Variants in TLL1 observed in about 807,000 individuals in gnomAD.
TLL1 encodes the protein tolloid like 1.
In TLL1, 49 loss-of-function variants were observed where a neutral mutation model predicts 128.2. The ratio of observed to expected loss-of-function variants is 0.38; its 90% CI spans 0.30 to 0.48. The LOEUF (loss-of-function observed/expected upper bound fraction) is 0.48. TLL1 is among the 20% of genes least tolerant of loss of function. TLL1 has a pLI of 0.96. For missense variants in TLL1, 1,123 were observed against 1,242.0 expected (o/e 0.90, Z 1.44); for synonymous variants, 454 against 418.8 (o/e 1.08, Z -1.03).
chr4:166,049,182 T>A (rs1209522945), intron 12 of TLL1, among the ~76,000 whole-genome samples: 1 of 152,164 alleles, frequency 6.6e-6, no homozygotes, highest in Non-Finnish European at 1.5e-5. Context: ...GCTATCCTTG[T>A]GTCTGAAAGA....
chr4:165,927,350 AT>A (rs1733321798), intron 1 of TLL1, among the ~76,000 whole-genome samples: 1 of 152,234 alleles, frequency 6.6e-6, no homozygotes, highest in Non-Finnish European at 1.5e-5. Context: ...AGTAAAAATT[AT>A]TAAGATTATC....
rs79989394 is a variant in TLL1 at position 166,102,027 on chromosome 4, C to T, written c.*1151C>T. 7,935 of 152,388 alleles carry T rather than the reference C, an allele frequency of 0.052. 255 individuals are homozygous for T. The highest frequency in any genetic ancestry group is 0.15 in the South Asian group (734 of 4,816). The allele number at this position is 152,388 out of a possible 1,614,324, so 9.4% of individuals were successfully genotyped here. A position where few individuals can be genotyped will look rare whatever the true frequency, so the allele number is the denominator to read the frequency against. ...TTTTTGACCTTTGAGCCAACCCACC[C>T]GTAGACTACGAATGTCTCCCTATGG... On this transcript the variant is annotated 3_prime_UTR_variant, in exon 21 of 21. Coordinates refer to ENST00000061240, the MANE Select transcript of TLL1 (RefSeq NM_012464.5).
chr4:165,938,643 CA>C (rs1733870366), intron 1 of TLL1, among the ~76,000 whole-genome samples: 1 of 152,008 alleles, frequency 6.6e-6, no homozygotes, highest in African/African-American at 2.4e-5. Context: ...TATATGTTGA[CA>C]AATTACAGTC....
At chr4:166,004,954 G>C (rs1304939188) in intron 6 of TLL1, among the ~76,000 whole-genome samples, 3 of 151,874 alleles carry the variant, frequency 2.0e-5, no homozygotes, top group Non-Finnish European at 4.4e-5. Flanking sequence ...GGTGGCGGGG[G>C]GGTGCCTGAA....
At chr4:166,059,979 T>C in intron 14 of TLL1, 49 bp from the exon 15 acceptor site, 1 of 1,607,492 alleles carries the variant, frequency 6.2e-7, no homozygotes, top group South Asian at 1.1e-5. Context: ...TGCTAAGAAG[T>C]GGGTGACTTC....
chr4:166,075,702 A>G (rs545959751), intron 17 of TLL1, among the ~76,000 whole-genome samples: 1 of 152,278 alleles, frequency 6.6e-6, no homozygotes, highest in Admixed American at 6.5e-5. Context: ...TTCTACTTAA[A>G]TTGGATTTAT....
At chr4:166,090,241 G>A (rs1206838622) in intron 18 of TLL1, among the ~76,000 whole-genome samples, 1 of 151,946 alleles carries the variant, frequency 6.6e-6, no homozygotes, top group Non-Finnish European at 1.5e-5. Flanking sequence ...TTTCTTCAAT[G>A]TATGATGGTT....
intron 1 of TLL1, among the ~76,000 whole-genome samples, chr4:165,950,731 A>T (rs184136037): frequency 6.6e-6 from 1 of 152,120 alleles, no homozygotes; most frequent in African/African-American, 2.4e-5. Context: ...GAAAATATAT[A>T]TGCAACATCA....
chr4:165,885,583 A>AAAAC (rs1372173971), intron 1 of TLL1, among the ~76,000 whole-genome samples: 1 of 151,316 alleles, frequency 6.6e-6, no homozygotes, highest in South Asian at 2.1e-4. Flanking sequence ...ATTACTTCTG[A>AAAAC]AAACAAACAA....
chr4:165,990,456 C>CT (rs1270309763), intron 2 of TLL1, among the ~76,000 whole-genome samples: 1 of 151,832 alleles, frequency 6.6e-6, no homozygotes, highest in Admixed American at 6.6e-5. Flanking sequence ...GCCCAATTTA[C>CT]TTTTTTTGCC....
chr4:166,067,006 T>C (rs1740604397), intron 16 of TLL1, among the ~76,000 whole-genome samples: 1 of 151,788 alleles, frequency 6.6e-6, no homozygotes, highest in Non-Finnish European at 1.5e-5. Context: ...CTTAAAGCTA[T>C]CTAAATATTT....
intron 18 of TLL1, among the ~76,000 whole-genome samples, chr4:166,085,120 A>G (rs1428871327): frequency 6.6e-6 from 1 of 151,696 alleles, no homozygotes; most frequent in Non-Finnish European, 1.5e-5. Flanking sequence ...ATTTTTGCCT[A>G]TTGATTTTAT....
chr4:166,010,687 G>A (rs1456131580), intron 7 of TLL1, among the ~76,000 whole-genome samples: 1 of 150,890 alleles, frequency 6.6e-6, no homozygotes, highest in Admixed American at 6.6e-5. Context: ...TTTATTGACT[G>A]TGCTTTCTGT....
chr4:165,950,744 A>G (rs1317121523), intron 1 of TLL1, among the ~76,000 whole-genome samples: 2 of 152,122 alleles, frequency 1.3e-5, no homozygotes, highest in Admixed American at 6.6e-5. Context: ...CAACATCAAT[A>G]TATTTGTGAT....
At chr4:165,956,150 C>T (rs758692695) in intron 1 of TLL1, among the ~76,000 whole-genome samples, 64 of 152,052 alleles carry the variant, frequency 4.2e-4, no homozygotes, top group Non-Finnish European at 7.4e-4. Flanking sequence ...TGACAAGGAT[C>T]CAACAAAGAT....
intron 9 of TLL1, among the ~76,000 whole-genome samples, chr4:166,032,986 AT>A (rs1224502104): frequency 1.3e-5 from 2 of 152,170 alleles, no homozygotes; most frequent in African/African-American, 2.4e-5. Flanking sequence ...AATATATGAA[AT>A]TCTTTAATCT....
intron 18 of TLL1, among the ~76,000 whole-genome samples, chr4:166,089,354 G>T (rs992855897): frequency 6.6e-6 from 1 of 152,126 alleles, no homozygotes; most frequent in Non-Finnish European, 1.5e-5. Flanking sequence ...ATGAGAGGCA[G>T]AAAATGAGAT....
At chr4:165,975,400 A>G (rs1171649654) in intron 1 of TLL1, among the ~76,000 whole-genome samples, 2 of 152,030 alleles carry the variant, frequency 1.3e-5, no homozygotes, top group African/African-American at 4.8e-5. Flanking sequence ...AAGATACTGT[A>G]TAGGAAAAGA....
chr4:166,056,831 G>C (rs1560840434), intron 13 of TLL1, among the ~76,000 whole-genome samples: 1 of 152,122 alleles, frequency 6.6e-6, no homozygotes, highest in Non-Finnish European at 1.5e-5. Context: ...ACAATGCTCA[G>C]TTAGCAGCAA....
Sources: allele counts gnomAD v4.1 joint callset (sites outside exome capture counted in the v4.1 genomes callset), GRCh38; gene constraint gnomAD v4.1.1; transcripts MANE v1.5; gene names NCBI Gene and HGNC (gene_info 2026-07-23, HGNC 2026-07-21).